The following CDH10 variants were observed in gnomAD, a reference collection of about 807,000 sequenced individuals.
CDH10 encodes cadherin 10.
Under a neutral mutation model 73.1 loss-of-function variants are expected in CDH10, and 30 were observed. The ratio of observed to expected loss-of-function variants is 0.41; its 90% CI spans 0.31 to 0.56. The LOEUF (loss-of-function observed/expected upper bound fraction) is 0.56. CDH10 is among the 20% of genes least tolerant of loss of function. CDH10 has a pLI of 0.27. For missense variants in CDH10, 815 were observed against 973.7 expected, an observed-to-expected ratio of 0.84 and a Z score of 2.17; for synonymous variants, 345 against 348.2, an observed-to-expected ratio of 0.99 and a Z score of 0.10.
chr5:24,582,994 T>C (rs994974010), intron 2 of CDH10, among the ~76,000 whole-genome samples: 3 of 152,130 alleles, frequency 2.0e-5, no homozygotes, highest in African/African-American at 7.2e-5. Context: ...TTTCTACTTG[T>C]AGTCATATTT....
chr5:24,602,935 G>T (rs890656344), intron 1 of CDH10, among the ~76,000 whole-genome samples: 108 of 152,002 alleles, frequency 7.1e-4, no homozygotes, highest in African/African-American at 2.6e-3. Flanking sequence ...GAATACATTC[G>T]CTATCCTGAT....
chr5:24,502,941 T>G (rs957605646), intron 8 of CDH10, among the ~76,000 whole-genome samples: 19 of 152,194 alleles, frequency 1.2e-4, no homozygotes, highest in Non-Finnish European at 2.2e-4. Flanking sequence ...GGTATTGAGC[T>G]TTTATATGCC....
chr5:24,594,327 C>A (rs1253716700), intron 1 of CDH10, among the ~76,000 whole-genome samples: 1 of 151,914 alleles, frequency 6.6e-6, no homozygotes, highest in African/African-American at 2.4e-5. Context: ...ATACCCCAGG[C>A]TGACTATGGT....
At chr5:24,590,496 G>A (rs1356646833) in intron 2 of CDH10, among the ~76,000 whole-genome samples, 2 of 151,834 alleles carry the variant, frequency 1.3e-5, no homozygotes, top group Non-Finnish European at 2.9e-5. Flanking sequence ...AAACCAAGGG[G>A]AGAGAAACAG....
chr5:24,595,567 C>T (rs1360310209), intron 1 of CDH10, among the ~76,000 whole-genome samples: 1 of 151,846 alleles, frequency 6.6e-6, no homozygotes, highest in Non-Finnish European at 1.5e-5. Context: ...TGATTGGATT[C>T]TAAGTAATAG....
chr5:24,617,283 G>A (rs771856485), intron 1 of CDH10, among the ~76,000 whole-genome samples: 45 of 152,052 alleles, frequency 3.0e-4, no homozygotes, highest in Admixed American at 1.3e-3. Flanking sequence ...TCCAGATACT[G>A]CCAAATACTA....
Position 24,487,940 on chromosome 5 carries a change from A to G in CDH10, c.2090T>C (p.Ile697Thr), listed in dbSNP as rs1561115953. ...TGGAGCTGTAGGAGTCCTCCGAGGAATAAATAACGTTTCTGGAATAATATC... is the reference window on the plus strand; with the variant it reads ...TGGAGCTGTAGGAGTCCTCCGAGGAGTAAATAACGTTTCTGGAATAATATC... The part of the protein sequence containing the change: ...RRDIIPETLF[I>T]PRRTPTAPDN... Residue 697 changes from isoleucine (I) to threonine (T), a missense_variant, in exon 12 of 12, where the codon ATT becomes ACT. Ile to Thr is a moderately conservative substitution (Grantham distance 89). Transcript: ENST00000264463. 1 of 1,614,000 alleles carries G rather than the reference A, an allele frequency of 6.2e-7. No individual in the cohort carries two copies. Among genetic ancestry groups the G allele is most frequent in the Admixed American group, 1.7e-5 (1 of 59,974 alleles).
intron 8 of CDH10, among the ~76,000 whole-genome samples, chr5:24,501,512 C>T (rs1375376498): frequency 6.6e-6 from 1 of 152,166 alleles, no homozygotes; most frequent in Non-Finnish European, 1.5e-5. Flanking sequence ...CTGAGTTTCT[C>T]TCAAAGTTCT....
At chr5:24,513,968 A>T (rs1158438596) in intron 5 of CDH10, among the ~76,000 whole-genome samples, 1 of 152,148 alleles carries the variant, frequency 6.6e-6, no homozygotes, top group Non-Finnish European at 1.5e-5. Flanking sequence ...GCATTCTATT[A>T]TCTACTTACT....
In CDH10 at chr5:24,598,966, T is replaced by C. The variant is rs183007759; in HGVS notation, c.-123-5353A>G. On this transcript the variant is annotated intron_variant, in intron 1 of 11. Coordinates refer to ENST00000264463, the MANE Select transcript of CDH10 (RefSeq NM_006727.5). ...CATATGGCAGGGATAAAGAGGATTG[T>C]TGAATGAGGCACATAACTTCATGTG... 3.3e-5 allele frequency among the ~76,000 whole-genome samples: 5 copies of C among 152,228 alleles called. No homozygotes were observed. In the East Asian group the frequency reaches 9.7e-4, roughly 29 times the overall value.
intron 2 of CDH10, among the ~76,000 whole-genome samples, chr5:24,587,137 C>A (rs1044731289): frequency 3.3e-5 from 5 of 152,096 alleles, no homozygotes; most frequent in Admixed American, 6.5e-5. Flanking sequence ...AGCCACCGCG[C>A]CCGGCCGCCC....
chr5:24,586,119 T>C (rs772312321), intron 2 of CDH10, among the ~76,000 whole-genome samples: 1 of 152,184 alleles, frequency 6.6e-6, no homozygotes, highest in Non-Finnish European at 1.5e-5. Context: ...GATATAATAG[T>C]ATACATTCTT....
rs142495766 is a variant in CDH10, at chr5:24,517,742, G to A, written c.815-6228C>T. On this transcript the variant is annotated intron_variant, in intron 5 of 11. Coordinates refer to ENST00000264463, the MANE Select transcript of CDH10 (RefSeq NM_006727.5). ...GAGAGCCTAGAGAAGTAAGTGAAAA[G>A]CTAAAAGTTTTTTTGGCCTGGGGAT... Among the ~76,000 whole-genome samples the A allele has an allele frequency of 7.6e-4, 115 of 152,234 alleles. 3 individuals are homozygous for A. The East Asian group carries it at 0.02, about 26-fold the overall frequency.
intron 1 of CDH10, among the ~76,000 whole-genome samples, chr5:24,640,880 A>C (rs1748029296): frequency 6.6e-6 from 1 of 151,978 alleles, no homozygotes; most frequent in Non-Finnish European, 1.5e-5. Flanking sequence ...AAAATAAAGC[A>C]CTTTCATTCT....
intron 2 of CDH10, among the ~76,000 whole-genome samples, chr5:24,580,647 T>G (rs10755287): frequency 0.38 from 58,373 of 151,984 alleles, 13,629 homozygotes; most frequent in East Asian, 0.54. Context: ...AAGTCAGAAT[T>G]TATATAAGAC....
intron 2 of CDH10, 91 bp downstream of exon 2, chr5:24,593,169 A>T: frequency 2.8e-6 from 2 of 717,698 alleles, no homozygotes; most frequent in Non-Finnish European, 4.8e-6. Context: ...AATCAGATTT[A>T]TAAAAATGAT....
intron 6 of CDH10, among the ~76,000 whole-genome samples, chr5:24,511,046 G>A (rs1742883630): frequency 6.6e-6 from 1 of 152,004 alleles, no homozygotes; most frequent in African/African-American, 2.4e-5. Context: ...GATTATGATG[G>A]GCTTTTATTA....
At chr5:24,607,950 T>TAG (rs1293330528) in intron 1 of CDH10, among the ~76,000 whole-genome samples, 59 of 152,242 alleles carry the variant, frequency 3.9e-4, no homozygotes, top group African/African-American at 1.3e-3. Flanking sequence ...TTTTGTTTAA[T>TAG]TTGACAGCAT....
intron 5 of CDH10, among the ~76,000 whole-genome samples, chr5:24,532,634 G>T (rs1743789915): frequency 6.6e-6 from 1 of 152,038 alleles, no homozygotes; most frequent in Non-Finnish European, 1.5e-5. Flanking sequence ...CTTGATATAA[G>T]CTTAAGAATT....
Sources: gnomAD v4.1 joint callset for allele counts (sites outside exome capture counted in the v4.1 genomes callset) on GRCh38, gnomAD v4.1.1 for gene constraint, MANE v1.5 for transcripts, NCBI Gene and HGNC (gene_info 2026-07-23, HGNC 2026-07-21) for gene names.